MYO5A: variants seen among roughly 807,000 people sequenced by gnomAD.
MYO5A encodes unconventional myosin-Va.
Under a neutral mutation model 249.7 loss-of-function variants are expected in MYO5A, and 98 were observed. That is an observed-to-expected ratio of 0.39 (90% CI 0.33 to 0.46). MYO5A has a LOEUF of 0.46. MYO5A is among the 20% of genes least tolerant of loss of function. The pLI is 0.98. For synonymous variants in MYO5A, 778 were observed against 810.6 expected (o/e 0.96, Z 0.68); for missense variants, 1,696 against 2,308.8 (o/e 0.73, Z 5.44).
chr15:52,318,811 G>A (rs2038156849), intron 39 of MYO5A, among the ~76,000 whole-genome samples: 1 of 152,156 alleles, frequency 6.6e-6, no homozygotes, highest in Non-Finnish European at 1.5e-5. Flanking sequence ...GCTTCACAGT[G>A]GAAAAGGGTT....
intron 29 of MYO5A, among the ~76,000 whole-genome samples, chr15:52,348,266 G>T (rs8042245): frequency 6.6e-6 from 1 of 151,604 alleles, no homozygotes; most frequent in African/African-American, 2.4e-5. Flanking sequence ...GTGCTATATA[G>T]GAAAATTCCA....
chr15:52,459,372 T>C (rs1227594411), intron 1 of MYO5A, among the ~76,000 whole-genome samples: 1 of 151,832 alleles, frequency 6.6e-6, no homozygotes, highest in Non-Finnish European at 1.5e-5. Flanking sequence ...GTGATGACTC[T>C]TAACGACTAT....
intron 1 of MYO5A, among the ~76,000 whole-genome samples, chr15:52,474,155 G>A (rs1344243367): frequency 6.6e-6 from 1 of 152,150 alleles, no homozygotes. Flanking sequence ...TGAAGCAATT[G>A]TGAATGGGAG....
chr15:52,433,056 T>C (rs1416096577), intron 2 of MYO5A, 119 bp downstream of exon 2: 2 of 770,592 alleles, frequency 2.6e-6, no homozygotes, highest in Non-Finnish European at 2.3e-6. Flanking sequence ...ATTTAGTAAG[T>C]AAAAATTCTA....
rs761937940 is a variant in MYO5A, at chr15:52,389,352, G to A, written c.1554C>T (p.Gly518=). 12 of 1,611,998 alleles carry A rather than the reference G, an allele frequency of 7.4e-6. No homozygotes were observed. The highest frequency in any genetic ancestry group is 2.7e-5 in the African/African-American group (2 of 74,612). Residue 518 remains glycine (G), a synonymous_variant, in exon 13 of 42, where the codon GGC becomes GGT. Coordinates refer to ENST00000399233, the MANE Select transcript of MYO5A (RefSeq NM_001382347.1). ...LLDEECKMPK[G]TDDTWAQKLY... is the part of the protein sequence containing the mutation. Reference sequence around the variant, plus strand: ...ATTTTTGGGCCCAGGTGTCATCTGTGCCTTTAGGCATCTATATTCATGGAA... The same window carrying A: ...ATTTTTGGGCCCAGGTGTCATCTGTACCTTTAGGCATCTATATTCATGGAA...
intron 13 of MYO5A, among the ~76,000 whole-genome samples, chr15:52,388,359 G>A (rs1247148142): frequency 6.6e-6 from 1 of 152,208 alleles, no homozygotes. Context: ...AGCTGCTGAT[G>A]GATGAAGGTG....
At chr15:52,431,585 T>A (rs1308852951) in intron 2 of MYO5A, among the ~76,000 whole-genome samples, 3 of 151,836 alleles carry the variant, frequency 2.0e-5, no homozygotes, top group Non-Finnish European at 4.4e-5. Flanking sequence ...AGTGCTCAGA[T>A]CTTGGCTGTC....
chr15:52,348,694 C>A (rs2039780446), intron 29 of MYO5A, 124 bp downstream of exon 29: 1 of 903,818 alleles, frequency 1.1e-6, no homozygotes, highest in Non-Finnish European at 1.7e-6. Flanking sequence ...AATTCACTTA[C>A]AAATTCAAAA....
chr15:52,344,913 G>A (rs992064713), intron 30 of MYO5A, among the ~76,000 whole-genome samples: 1 of 152,192 alleles, frequency 6.6e-6, no homozygotes, highest in African/African-American at 2.4e-5. Flanking sequence ...GAAGAACATT[G>A]TGATACAATA....
chr15:52,432,399 A>G (rs2075559661), intron 2 of MYO5A, among the ~76,000 whole-genome samples: 1 of 152,276 alleles, frequency 6.6e-6, no homozygotes, highest in African/African-American at 2.4e-5. Flanking sequence ...AACATGGCAG[A>G]CATCACCTTA....
intron 31 of MYO5A, among the ~76,000 whole-genome samples, chr15:52,342,078 G>C (rs73408469): frequency 0.098 from 14,844 of 152,190 alleles, 2,250 homozygotes; most frequent in African/African-American, 0.33. Context: ...AAGAAGGTAG[G>C]CTGGGCGCAG....
intron 1 of MYO5A, among the ~76,000 whole-genome samples, chr15:52,494,021 C>A (rs1003964924): frequency 6.6e-6 from 1 of 152,098 alleles, no homozygotes. Flanking sequence ...CTGCCTGGCC[C>A]CTCGCTCCAA....
intron 1 of MYO5A, among the ~76,000 whole-genome samples, chr15:52,495,575 T>C (rs1489410410): frequency 6.6e-6 from 1 of 152,206 alleles, no homozygotes; most frequent in Non-Finnish European, 1.5e-5. Flanking sequence ...AGTGAGGTAA[T>C]GCATATGTTA....
At chr15:52,521,266 C>T (rs1051440845) in intron 1 of MYO5A, among the ~76,000 whole-genome samples, 6 of 151,922 alleles carry the variant, frequency 3.9e-5, no homozygotes, top group African/African-American at 1.2e-4. Context: ...ATTCCCAGCT[C>T]ACCTTCATCT....
chr15:52,388,281 A>C (rs1403293206), intron 13 of MYO5A, among the ~76,000 whole-genome samples: 1 of 152,178 alleles, frequency 6.6e-6, no homozygotes, highest in African/African-American at 2.4e-5. Flanking sequence ...GTTTCCTCTT[A>C]GAAGAGATTA....
Position 52,311,629 on chromosome 15 carries a change from A to T in MYO5A, c.*2067T>A, listed in dbSNP as rs907961816. The T allele has an allele frequency of 6.6e-6, 1 of 152,256 alleles. No homozygotes were observed. Among genetic ancestry groups the T allele is most frequent in the Non-Finnish European group, 1.5e-5 (1 of 68,048 alleles). 9.4% of individuals were successfully genotyped at this position (152,256 alleles called of 1,614,324 possible). A position where few individuals can be genotyped will look rare whatever the true frequency, so the allele number is the denominator to read the frequency against. On this transcript the variant is annotated 3_prime_UTR_variant, in exon 42 of 42. Coordinates refer to ENST00000399233, the MANE Select transcript of MYO5A (RefSeq NM_001382347.1). The stretch of plus-strand genomic sequence containing the variant: ...ATCATGTACATTTAAGAAAGGTTAC[A>T]GCTACACAAACTTGTGATTTTACAT...
At chr15:52,457,957 A>C (rs981813918) in intron 1 of MYO5A, among the ~76,000 whole-genome samples, 1 of 152,264 alleles carries the variant, frequency 6.6e-6, no homozygotes, top group African/African-American at 2.4e-5. Context: ...TTGCAGCAGC[A>C]TGGATGAAAC....
At chr15:52,445,672 T>C (rs1030632053) in intron 1 of MYO5A, among the ~76,000 whole-genome samples, 3 of 152,100 alleles carry the variant, frequency 2.0e-5, no homozygotes, top group Non-Finnish European at 2.9e-5. Context: ...ATCCAGACAG[T>C]GAAGGCCAGG....
At position 52,438,691 on chromosome 15, in the gene MYO5A, G is replaced by A. The variant is rs147595599; in HGVS notation, c.28-5406C>T. Among the ~76,000 whole-genome samples the A allele has an allele frequency of 4.6e-4, 70 of 152,340 alleles. 1 individual carries two copies. In the East Asian group the frequency reaches 7.1e-3, roughly 16 times the overall value. ...ATCATCTATCGCCTAAGAGCACAGC[G>A]GGAGGGACAATGATCGGGATATAAA... On this transcript the variant is annotated intron_variant, in intron 1 of 41. Transcript: ENST00000399233.
Sources: gnomAD v4.1 joint callset for allele counts (sites outside exome capture counted in the v4.1 genomes callset) on GRCh38, gnomAD v4.1.1 for gene constraint, MANE v1.5 for transcripts, NCBI Gene and HGNC (gene_info 2026-07-23, HGNC 2026-07-21) for gene names.